BRINP3: variants seen among roughly 807,000 people sequenced by gnomAD.
BRINP3 encodes the protein BMP/retinoic acid inducible neural specific 3.
BRINP3 carries 19 observed loss-of-function variants against 71.0 expected under a neutral mutation model. The ratio of observed to expected loss-of-function variants is 0.27; its 90% CI spans 0.19 to 0.39. The LOEUF (loss-of-function observed/expected upper bound fraction) is 0.39, where lower values mean the gene tolerates loss of function less well. Among genes scored for constraint, BRINP3 ranks in the 10% least tolerant of loss-of-function variants. The probability of loss-of-function intolerance (pLI) is 1.00; values close to 1 mark genes in which losing one functional copy is unlikely to be tolerated. For synonymous variants in BRINP3, 380 were observed against 337.7 expected, an observed-to-expected ratio of 1.13 and a Z score of -1.37; for missense variants, 959 against 940.8, an observed-to-expected ratio of 1.02 and a Z score of -0.25.
Position 190,454,735 on chromosome 1 carries a change from T to G in BRINP3, c.156A>C (p.Gly52=). 3.1e-6 allele frequency: 5 copies of G among 1,614,098 alleles called. No individual in the cohort carries two copies. Among genetic ancestry groups the G allele is most frequent in the Non-Finnish European group, 3.4e-6 (4 of 1,180,032 alleles). The change falls in exon 2 of 8, where the codon GGA becomes GGC. Residue 52 remains glycine, a synonymous_variant. Transcript: ENST00000367462. ...TGTATTCCTGTGAGCGATGGAAGGG[T>G]CCCTTATCAGAGAGGAGCCAGTCGA... ...SPFDWLLSDK[G]PFHRSQEYTD... is the part of the protein sequence containing the mutation.
chr1:190,476,077 C>A (rs969040821), intron 1 of BRINP3: 1 of 151,686 alleles, frequency 6.6e-6, no homozygotes, highest in East Asian at 2.0e-4. Flanking sequence ...CGTTCCCTCT[C>A]GGTGGGAGTC....
intron 2 of BRINP3, among the ~76,000 whole-genome samples, chr1:190,287,347 C>G (rs1410623657): frequency 6.6e-6 from 1 of 152,088 alleles, no homozygotes; most frequent in African/African-American, 2.4e-5. Context: ...ACCACTGAAG[C>G]TAGTGTTTAT....
intron 1 of BRINP3, among the ~76,000 whole-genome samples, chr1:190,474,017 C>A (rs527678413): frequency 6.6e-6 from 1 of 151,888 alleles, no homozygotes; most frequent in Non-Finnish European, 1.5e-5. Flanking sequence ...TAGTTCTTCA[C>A]CTGTCCTTTA....
intron 7 of BRINP3, among the ~76,000 whole-genome samples, chr1:190,119,443 T>G (rs1222893265): frequency 1.3e-5 from 2 of 151,940 alleles, no homozygotes; most frequent in Non-Finnish European, 1.5e-5. Context: ...GCCCGGCTAA[T>G]TTTTCTATTT....
At chr1:190,339,986 C>A (rs1182090255) in intron 2 of BRINP3, among the ~76,000 whole-genome samples, 3 of 151,822 alleles carry the variant, frequency 2.0e-5, no homozygotes, top group South Asian at 4.1e-4. Context: ...CTTATGACAG[C>A]ACTAGTGAAA....
chr1:190,362,735 A>G (rs1669229996), intron 2 of BRINP3, among the ~76,000 whole-genome samples: 1 of 151,954 alleles, frequency 6.6e-6, no homozygotes, highest in South Asian at 2.1e-4. Flanking sequence ...ATAAGGGAAA[A>G]CCCCTTTTGC....
chr1:190,385,275 C>A (rs534856552), intron 2 of BRINP3, among the ~76,000 whole-genome samples: 1 of 152,008 alleles, frequency 6.6e-6, no homozygotes, highest in Non-Finnish European at 1.5e-5. Flanking sequence ...AAAGAAACTA[C>A]CATCAGAGTG....
intron 2 of BRINP3, among the ~76,000 whole-genome samples, chr1:190,345,533 T>C (rs1445597538): frequency 1.3e-5 from 2 of 151,400 alleles, no homozygotes; most frequent in East Asian, 1.9e-4. Flanking sequence ...CATCATATTG[T>C]TATATGAATT....
At chr1:190,209,884 T>G (rs1191834979) in intron 6 of BRINP3, among the ~76,000 whole-genome samples, 1 of 152,110 alleles carries the variant, frequency 6.6e-6, no homozygotes, top group African/African-American at 2.4e-5. Flanking sequence ...AATAGTCCAC[T>G]TGTATGCTTT....
In BRINP3 at chr1:190,435,070, T is replaced by C. The variant is rs78183522; in HGVS notation, c.236+19585A>G. On this transcript the variant is annotated intron_variant, in intron 2 of 7. Transcript: ENST00000367462. ...TAGTTTGTTTAACTTCTTTTTGGAA[T>C]GGTTTTATTATTTGCATGCAACAAA... Among the ~76,000 whole-genome samples the C allele has an allele frequency of 3.9e-5, 6 of 152,302 alleles. No individual in the cohort carries two copies. The East Asian group carries it at 1.2e-3, about 29-fold the overall frequency.
chr1:190,125,067 G>C (rs1653976373), intron 7 of BRINP3, among the ~76,000 whole-genome samples: 1 of 151,964 alleles, frequency 6.6e-6, no homozygotes, highest in African/African-American at 2.4e-5. Context: ...ATTGAAACCA[G>C]ATTGACAAGG....
At chr1:190,267,285 A>G (rs759760148) in intron 3 of BRINP3, among the ~76,000 whole-genome samples, 6 of 152,140 alleles carry the variant, frequency 3.9e-5, no homozygotes, top group Non-Finnish European at 5.9e-5. Flanking sequence ...ATAAATTTGT[A>G]AGAATATAGT....
At chr1:190,146,075 G>T (rs920800616) in intron 7 of BRINP3, among the ~76,000 whole-genome samples, 2 of 151,982 alleles carry the variant, frequency 1.3e-5, no homozygotes, top group Non-Finnish European at 1.5e-5. Flanking sequence ...GGGGAGTGAG[G>T]GATCAAAGAC....
At chr1:190,233,300 T>C (rs1388513080) in intron 5 of BRINP3, among the ~76,000 whole-genome samples, 1 of 151,942 alleles carries the variant, frequency 6.6e-6, no homozygotes, top group Non-Finnish European at 1.5e-5. Flanking sequence ...GCAGCAATCC[T>C]CCTGCCTCAG....
chr1:190,323,508 G>C (rs1482966503), intron 2 of BRINP3, among the ~76,000 whole-genome samples: 1 of 150,594 alleles, frequency 6.6e-6, no homozygotes, highest in African/African-American at 2.4e-5. Flanking sequence ...CATTGTACCT[G>C]TTTAATTTTT....
intron 7 of BRINP3, among the ~76,000 whole-genome samples, chr1:190,106,468 A>G (rs769084751): frequency 6.6e-6 from 1 of 151,654 alleles, no homozygotes; most frequent in Middle Eastern, 3.2e-3. Flanking sequence ...TTTTAAAAGT[A>G]TAATATTATT....
At chr1:190,386,601 A>G (rs1337916659) in intron 2 of BRINP3, among the ~76,000 whole-genome samples, 1 of 151,990 alleles carries the variant, frequency 6.6e-6, no homozygotes, top group African/African-American at 2.4e-5. Context: ...TTTTGTAAGG[A>G]ATCAATATTG....
chr1:190,165,776 G>C (rs1651477745), intron 6 of BRINP3, among the ~76,000 whole-genome samples: 1 of 151,966 alleles, frequency 6.6e-6, no homozygotes, highest in Non-Finnish European at 1.5e-5. Flanking sequence ...ATACAAAATT[G>C]GCAAGATATG....
chr1:190,130,282 C>T (rs1265280388), intron 7 of BRINP3, among the ~76,000 whole-genome samples: 1 of 151,964 alleles, frequency 6.6e-6, no homozygotes, highest in African/African-American at 2.4e-5. Context: ...AATCAGGAGT[C>T]TACGTTTGGG....
Sources: gnomAD v4.1 joint callset for allele counts (sites outside exome capture counted in the v4.1 genomes callset) on GRCh38, gnomAD v4.1.1 for gene constraint, MANE v1.5 for transcripts, NCBI Gene and HGNC (gene_info 2026-07-23, HGNC 2026-07-21) for gene names.